The following MTUS2 variants were observed in gnomAD, a reference collection of about 807,000 sequenced individuals.
MTUS2 encodes microtubule associated scaffold protein 2.
Under a neutral mutation model 114.1 loss-of-function variants are expected in MTUS2, and 40 were observed. The ratio of observed to expected loss-of-function variants is 0.35; its 90% confidence interval spans 0.27 to 0.46. The LOEUF (loss-of-function observed/expected upper bound fraction) is 0.46, where lower values mean the gene tolerates loss of function less well. Among genes scored for constraint, MTUS2 ranks in the 20% least tolerant of loss-of-function variants. The pLI is 1.00. For missense variants in MTUS2, 1,679 were observed against 1,705.4 expected (o/e 0.98, Z 0.27); for synonymous variants, 688 against 672.0 (o/e 1.02, Z -0.37).
intron 5 of MTUS2, among the ~76,000 whole-genome samples, chr13:29,170,652 T>A (rs1281932325): frequency 6.6e-6 from 1 of 152,088 alleles, no homozygotes; most frequent in Non-Finnish European, 1.5e-5. Context: ...CACCCAAAGG[T>A]CTCCCAAATG....
intron 8 of MTUS2, among the ~76,000 whole-genome samples, chr13:29,411,790 G>A (rs1381942195): frequency 3.3e-5 from 5 of 152,090 alleles, no homozygotes; most frequent in Admixed American, 6.6e-5. Flanking sequence ...GAGATGTTTT[G>A]CATATTTTTG....
At chr13:29,332,518 C>T (rs1383424456) in intron 7 of MTUS2, among the ~76,000 whole-genome samples, 16 of 139,492 alleles carry the variant, frequency 1.1e-4, no homozygotes, top group Admixed American at 1.0e-3. Context: ...CTCCTGGATT[C>T]ATTGATTTTT....
intron 15 of MTUS2, among the ~76,000 whole-genome samples, chr13:29,502,029 C>T (rs932262091): frequency 6.6e-6 from 1 of 152,232 alleles, no homozygotes; most frequent in East Asian, 1.9e-4. Flanking sequence ...CACATACATA[C>T]GCTCTTGCAC....
intron 2 of MTUS2, among the ~76,000 whole-genome samples, chr13:28,908,874 T>C (rs1337282034): frequency 3.3e-5 from 5 of 151,616 alleles, no homozygotes; most frequent in Non-Finnish European, 5.9e-5. Context: ...GTATAAGATA[T>C]AAGGAAGGGA....
Position 29,325,466 on chromosome 13 carries a change from A to AAAAG in MTUS2, c.2905+758_2905+759insGAAA, listed in dbSNP as rs1555265211. On this transcript the variant is annotated intron_variant, in intron 7 of 15. Transcript: ENST00000612955. ...GTGAGACTTCATCTCAAAAAAAAAA[A>AAAAG]AAAAGAAAAGAAGAAGAGGAAGAGG... Among the ~76,000 whole-genome samples the AAAAG allele has an allele frequency of 1.0e-3, 126 of 126,416 alleles. 1 individual carries two copies. The highest frequency in any genetic ancestry group is 9.4e-3 in the South Asian group (37 of 3,952). The allele number at this position is 126,416 out of a possible 152,430, so 82.9% of individuals were successfully genotyped here. A position where few individuals can be genotyped will look rare whatever the true frequency, so the allele number is the denominator to read the frequency against.
chr13:29,158,358 C>CCCCCTTT, intron 5 of MTUS2, among the ~76,000 whole-genome samples: 10 of 32,046 alleles, frequency 3.1e-4, no homozygotes, highest in African/African-American at 8.2e-4. Context: ...GTCCACCCCG[C>CCCCCTTT]TTTTTTTTTT....
At chr13:29,189,152 G>GT (rs1894344449) in intron 5 of MTUS2, among the ~76,000 whole-genome samples, 1 of 152,194 alleles carries the variant, frequency 6.6e-6, no homozygotes, top group African/African-American at 2.4e-5. Context: ...TTACTTGTCT[G>GT]TTTTGTAAAA....
chr13:28,960,381 A>G (rs1181114721), intron 2 of MTUS2, among the ~76,000 whole-genome samples: 2 of 152,238 alleles, frequency 1.3e-5, no homozygotes, highest in African/African-American at 2.4e-5. Flanking sequence ...AGTCCTAGGT[A>G]TATATCCAAG....
chr13:29,376,782 A>T (rs1871782066), intron 8 of MTUS2, among the ~76,000 whole-genome samples: 1 of 152,168 alleles, frequency 6.6e-6, no homozygotes, highest in African/African-American at 2.4e-5. Flanking sequence ...AAGGTTGCCA[A>T]CGTTATCTAA....
chr13:29,288,433 A>G (rs949110107), intron 6 of MTUS2, among the ~76,000 whole-genome samples: 6 of 151,370 alleles, frequency 4.0e-5, no homozygotes, highest in African/African-American at 1.2e-4. Context: ...TGAGGAATGG[A>G]AAGGGGAAGG....
intron 2 of MTUS2, among the ~76,000 whole-genome samples, chr13:28,894,837 C>T (rs1879169167): frequency 6.6e-6 from 1 of 152,144 alleles, no homozygotes; most frequent in Non-Finnish European, 1.5e-5. Context: ...TAAGTATGGA[C>T]TCTTGGAGCC....
At chr13:28,844,581 T>TTGTGTGTAAG (rs1555266996) in intron 2 of MTUS2, among the ~76,000 whole-genome samples, 16 of 61,058 alleles carry the variant, frequency 2.6e-4, no homozygotes, top group African/African-American at 6.9e-4. Context: ...TCTGCAGCAT[T>TTGTGTGTAAG]TGTGTGTGAG....
At chr13:28,852,594 A>G (rs1315641547) in intron 2 of MTUS2, among the ~76,000 whole-genome samples, 2 of 152,158 alleles carry the variant, frequency 1.3e-5, no homozygotes, top group East Asian at 1.9e-4. Context: ...GCTGGGCACA[A>G]TGACTCATGC....
chr13:28,915,906 T>C (rs1052332769), intron 2 of MTUS2, among the ~76,000 whole-genome samples: 3 of 152,030 alleles, frequency 2.0e-5, no homozygotes, highest in African/African-American at 4.8e-5. Flanking sequence ...ATATGTTTTC[T>C]TGTAGTAGTT....
At chr13:28,908,892 T>A (rs1330241521) in intron 2 of MTUS2, among the ~76,000 whole-genome samples, 1 of 151,714 alleles carries the variant, frequency 6.6e-6, no homozygotes, top group African/African-American at 2.4e-5. Context: ...GGACCCAGTT[T>A]CAGCTTTCTA....
chr13:29,174,930 C>G (rs989846), intron 5 of MTUS2, among the ~76,000 whole-genome samples: 89,534 of 151,970 alleles, frequency 0.59, 26,610 homozygotes, highest in African/African-American at 0.64. Flanking sequence ...GAAATTGAAG[C>G]AGTTCGCTAT....
chr13:29,235,698 A>T (rs1405336067), intron 5 of MTUS2, among the ~76,000 whole-genome samples: 1 of 152,194 alleles, frequency 6.6e-6, no homozygotes, highest in Admixed American at 6.5e-5. Flanking sequence ...AATAATTAAC[A>T]GACTTCTATG....
chr13:29,182,997 G>C (rs188801960), intron 5 of MTUS2, among the ~76,000 whole-genome samples: 12 of 152,174 alleles, frequency 7.9e-5, no homozygotes, highest in African/African-American at 2.9e-4. Flanking sequence ...GGGACCCACC[G>C]AAGGCCCTTT....
At chr13:28,956,216 C>T (rs1883057469) in intron 2 of MTUS2, among the ~76,000 whole-genome samples, 1 of 152,148 alleles carries the variant, frequency 6.6e-6, no homozygotes, top group South Asian at 2.1e-4. Context: ...ATCTCATAGA[C>T]ATGGATGAAT....
Sources: allele counts gnomAD v4.1 joint callset (sites outside exome capture counted in the v4.1 genomes callset), GRCh38; gene constraint gnomAD v4.1.1; transcripts MANE v1.5; gene names NCBI Gene and HGNC (gene_info 2026-07-23, HGNC 2026-07-21).